The following PDE1C variants were observed in gnomAD, a reference collection of about 807,000 sequenced individuals.
The protein encoded by PDE1C is phosphodiesterase 1C.
Under a neutral mutation model 93.1 loss-of-function variants are expected in PDE1C, and 62 were observed. The observed-to-expected ratio is 0.67, with a 90% confidence interval of 0.54 to 0.82. The LOEUF is 0.82. PDE1C is among the 40% of genes least tolerant of loss of function. PDE1C has a pLI of 0.00. For missense variants in PDE1C, 742 were observed against 884.6 expected (o/e 0.84, Z 2.04); for synonymous variants, 325 against 310.1 (o/e 1.05, Z -0.50).
chr7:32,370,291 T>C (rs1294013206), intron 1 of PDE1C, among the ~76,000 whole-genome samples: 3 of 151,804 alleles, frequency 2.0e-5, no homozygotes, highest in Non-Finnish European at 4.4e-5. Flanking sequence ...CTACTAAAAA[T>C]ACAAAAAATT....
chr7:31,907,653 C>A (rs1669709635), intron 2 of PDE1C, among the ~76,000 whole-genome samples: 1 of 151,862 alleles, frequency 6.6e-6, no homozygotes, highest in South Asian at 2.1e-4. Flanking sequence ...CAATTTATTT[C>A]AGGGCGAAAA....
At chr7:31,896,842 A>T (rs181717460) in intron 2 of PDE1C, among the ~76,000 whole-genome samples, 1 of 151,968 alleles carries the variant, frequency 6.6e-6, no homozygotes, top group Non-Finnish European at 1.5e-5. Flanking sequence ...CATGGTGTTA[A>T]TTGTCTTAAT....
intron 1 of PDE1C, among the ~76,000 whole-genome samples, chr7:32,358,223 T>A (rs531983902): frequency 1.3e-5 from 2 of 152,350 alleles, no homozygotes; most frequent in East Asian, 3.9e-4. Flanking sequence ...ACTTTGCCCA[T>A]GCCCTCCAGA....
At chr7:31,727,027 ACT>A in the PDE1C span, among the ~76,000 whole-genome samples, 1 of 151,792 alleles carries the variant, frequency 6.6e-6, no homozygotes, top group Non-Finnish European at 1.5e-5. Context: ...CAAGAGCAAA[ACT>A]CTGTCTCAAA....
At chr7:31,805,969 G>A (rs1786771191) in intron 16 of PDE1C, among the ~76,000 whole-genome samples, 1 of 151,844 alleles carries the variant, frequency 6.6e-6, no homozygotes, top group Non-Finnish European at 1.5e-5. Context: ...CTGGGGTTTT[G>A]GGTTGTTTCA....
the PDE1C span, among the ~76,000 whole-genome samples, chr7:31,718,540 G>A: frequency 6.6e-6 from 1 of 152,198 alleles, no homozygotes; most frequent in African/African-American, 2.4e-5. Context: ...AACTACATCT[G>A]AAGGGAAAGG....
chr7:32,298,512 G>C, intron 1 of PDE1C: 1 of 1,055,764 alleles, frequency 9.5e-7, no homozygotes, highest in South Asian at 1.6e-5. Flanking sequence ...GCCGCTCCCG[G>C]GGGCTCCCGC....
intron 3 of PDE1C, among the ~76,000 whole-genome samples, chr7:32,089,270 T>A (rs10225488): frequency 0.63 from 95,330 of 152,010 alleles, 30,247 homozygotes; most frequent in African/African-American, 0.71. Flanking sequence ...ATCCTCACAT[T>A]GAAGCTTTAA....
At chr7:31,871,692 T>TA (rs35043161) in intron 6 of PDE1C, among the ~76,000 whole-genome samples, 18,098 of 141,420 alleles carry the variant, frequency 0.13, 1,613 homozygotes, top group East Asian at 0.25. Context: ...CTGTTATGGT[T>TA]AAAAAAAAAA....
chr7:31,681,651 GCTGT>G, the PDE1C span, among the ~76,000 whole-genome samples: 4 of 152,068 alleles, frequency 2.6e-5, no homozygotes, highest in African/African-American at 9.7e-5. Flanking sequence ...AAAGATCCAT[GCTGT>G]CTGTTTTTCA....
At chr7:32,159,889 G>C (rs1184031014) in intron 3 of PDE1C, among the ~76,000 whole-genome samples, 1 of 152,142 alleles carries the variant, frequency 6.6e-6, no homozygotes, top group African/African-American at 2.4e-5. Flanking sequence ...TTGTGGTTTG[G>C]ACAGGCCCCA....
At chr7:32,208,101 T>A (rs559407957) in intron 2 of PDE1C, among the ~76,000 whole-genome samples, 1 of 152,336 alleles carries the variant, frequency 6.6e-6, no homozygotes, top group South Asian at 2.1e-4. Flanking sequence ...GAAGCGAGTG[T>A]TTTATTACAC....
At chr7:31,634,560 A>G in the PDE1C span, among the ~76,000 whole-genome samples, 1 of 152,192 alleles carries the variant, frequency 6.6e-6, no homozygotes, top group Non-Finnish European at 1.5e-5. Flanking sequence ...ACTCCAGTAG[A>G]GCAGGCTTCA....
chr7:32,096,385 A>G (rs1260752727), intron 3 of PDE1C, among the ~76,000 whole-genome samples: 1 of 152,214 alleles, frequency 6.6e-6, no homozygotes, highest in Non-Finnish European at 1.5e-5. Context: ...AAAATCTTAA[A>G]GTATCTCCAA....
At chr7:32,380,983 C>T (rs73093931) in intron 1 of PDE1C, among the ~76,000 whole-genome samples, 5,744 of 152,044 alleles carry the variant, frequency 0.038, 130 homozygotes, top group African/African-American at 0.052. Flanking sequence ...AACCTCAGTT[C>T]GATGTCTCAA....
At chr7:32,224,773 G>A (rs1489402225) in intron 1 of PDE1C, among the ~76,000 whole-genome samples, 1 of 152,116 alleles carries the variant, frequency 6.6e-6, no homozygotes, top group Non-Finnish European at 1.5e-5. Flanking sequence ...TAGCATCCCA[G>A]GAAGCCCAAA....
intron 2 of PDE1C, among the ~76,000 whole-genome samples, chr7:32,181,226 T>C (rs1303496164): frequency 2.0e-5 from 3 of 152,094 alleles, no homozygotes; most frequent in Non-Finnish European, 2.9e-5. Context: ...ACTGTCAACA[T>C]TAGACAGATC....
At chr7:32,306,738 A>G (rs892494557) in intron 1 of PDE1C, among the ~76,000 whole-genome samples, 58 of 152,240 alleles carry the variant, frequency 3.8e-4, no homozygotes, top group African/African-American at 1.4e-3. Context: ...GCCCTACAGA[A>G]TCTTGGGGGA....
At chr7:32,038,240 G>C (rs1754629285) in intron 2 of PDE1C, among the ~76,000 whole-genome samples, 1 of 152,058 alleles carries the variant, frequency 6.6e-6, no homozygotes, top group Non-Finnish European at 1.5e-5. Flanking sequence ...TCATCCTGAA[G>C]CATGAGACAC....
Sources: gnomAD v4.1 joint callset for allele counts (sites outside exome capture counted in the v4.1 genomes callset) on GRCh38, gnomAD v4.1.1 for gene constraint, MANE v1.5 for transcripts, NCBI Gene and HGNC (gene_info 2026-07-23, HGNC 2026-07-21) for gene names.